FAM13A: variants seen among roughly 807,000 people sequenced by gnomAD.
The protein encoded by FAM13A is protein FAM13A.
FAM13A carries 76 observed loss-of-function variants against 129.6 expected under a neutral mutation model. That is an observed-to-expected ratio of 0.59 (90% CI 0.49 to 0.71). The LOEUF (loss-of-function observed/expected upper bound fraction) is 0.71, where lower values mean the gene tolerates loss of function less well. Ranked by LOEUF, FAM13A falls within the 30% of genes least tolerant of loss-of-function variation. FAM13A has a pLI of 0.00. For missense variants in FAM13A, 1,108 were observed against 1,249.3 expected (o/e 0.89, Z 1.70); for synonymous variants, 443 against 449.9 (o/e 0.98, Z 0.20).
intron 1 of FAM13A, among the ~76,000 whole-genome samples, chr4:89,048,629 AGT>A (rs1425017037): frequency 6.6e-6 from 1 of 152,234 alleles, no homozygotes; most frequent in East Asian, 1.9e-4. Context: ...AAAGTCAACA[AGT>A]GCTTGGTAAC....
At chr4:88,907,823 A>G (rs1748412813) in intron 5 of FAM13A, among the ~76,000 whole-genome samples, 1 of 152,248 alleles carries the variant, frequency 6.6e-6, no homozygotes, top group Non-Finnish European at 1.5e-5. Context: ...GTGGAGCCAT[A>G]GCATTTTAAA....
intron 3 of FAM13A, among the ~76,000 whole-genome samples, chr4:88,996,837 T>C (rs1763616608): frequency 6.6e-6 from 1 of 152,196 alleles, no homozygotes; most frequent in South Asian, 2.1e-4. Flanking sequence ...ACACCCTCCG[T>C]GCCTTGCATA....
chr4:88,999,341 A>G (rs990725758), intron 3 of FAM13A, among the ~76,000 whole-genome samples: 2 of 152,194 alleles, frequency 1.3e-5, no homozygotes, highest in Non-Finnish European at 2.9e-5. Flanking sequence ...CATATCTACA[A>G]TAAAGGTTAG....
intron 2 of FAM13A, among the ~76,000 whole-genome samples, chr4:89,023,842 G>A (rs1299795544): frequency 1.3e-5 from 2 of 150,260 alleles, no homozygotes; most frequent in East Asian, 1.9e-4. Context: ...AATATAGCCA[G>A]TACCCACATG....
chr4:88,749,794 A>G lies in FAM13A; in HGVS notation c.2056T>C (p.Phe686Leu). The G allele has an allele frequency of 1.2e-6, 2 of 1,614,120 alleles. No individual in the cohort carries two copies. Among genetic ancestry groups the G allele is most frequent in the Non-Finnish European group, 1.7e-6 (2 of 1,180,004 alleles). ...ACTCTGTACTTCTTCTCTTCTTCGA[A>G]TCTATCTTCAAACTTCCGGATCTTC... is the stretch of plus-strand genomic sequence containing the variant. ...KKKIRKFEDRFEEEKKYRPSH... is the reference protein window; with the variant it reads ...KKKIRKFEDRLEEEKKYRPSH... The change falls in exon 16 of 24, where the codon TTC (phenylalanine) becomes CTC (leucine). Residue 686 changes from phenylalanine (F) to leucine (L), a missense_variant. Physicochemically the swap from Phe to Leu is conservative, Grantham distance 22. Transcript: ENST00000264344.
intron 7 of FAM13A, among the ~76,000 whole-genome samples, chr4:88,835,109 AT>A (rs1023174493): frequency 1.3e-5 from 2 of 152,154 alleles, no homozygotes; most frequent in African/African-American, 4.8e-5. Flanking sequence ...AATTCCACAC[AT>A]GCTCAGCAGG....
At chr4:88,937,498 A>G (rs962266287) in intron 5 of FAM13A, 5 of 152,240 alleles carry the variant, frequency 3.3e-5, no homozygotes, top group African/African-American at 7.2e-5. Flanking sequence ...TTGGAGACCT[A>G]CAGGCATTTA....
At chr4:88,913,219 AGAGGAAGAG>A (rs1749424871) in intron 5 of FAM13A, among the ~76,000 whole-genome samples, 2 of 98,706 alleles carry the variant, frequency 2.0e-5, no homozygotes, top group South Asian at 7.9e-4. Context: ...AACAGGAGGA[AGAGGAAGAG>A]GAAGAAGAGG....
chr4:88,958,658 C>T (rs191144845), intron 4 of FAM13A, among the ~76,000 whole-genome samples: 2 of 152,222 alleles, frequency 1.3e-5, no homozygotes, highest in African/African-American at 4.8e-5. Context: ...GTTGAGCCCT[C>T]AGAGAGAACT....
At chr4:88,984,320 C>T (rs1237398064) in intron 4 of FAM13A, among the ~76,000 whole-genome samples, 5 of 151,966 alleles carry the variant, frequency 3.3e-5, no homozygotes, top group Admixed American at 1.3e-4. Flanking sequence ...AAAACCTCTG[C>T]ACTTAAAAGG....
chr4:88,785,128 T>C (rs1196573185), intron 10 of FAM13A, among the ~76,000 whole-genome samples: 2 of 152,276 alleles, frequency 1.3e-5, no homozygotes, highest in African/African-American at 4.8e-5. Context: ...TCTTGAAACA[T>C]AGTCATCATT....
intron 6 of FAM13A, among the ~76,000 whole-genome samples, chr4:88,866,236 C>T (rs7663500): frequency 0.012 from 1,873 of 152,092 alleles, 47 homozygotes; most frequent in African/African-American, 0.042. Context: ...TTAGTAGAGA[C>T]GCGGTTTTGC....
chr4:88,954,543 A>G (rs56162738), intron 4 of FAM13A, among the ~76,000 whole-genome samples: 27,711 of 152,138 alleles, frequency 0.18, 2,672 homozygotes, highest in Non-Finnish European at 0.22. Flanking sequence ...AGGCTTAAAC[A>G]CCTATACAAA....
At chr4:88,964,307 AAGG>A (rs1407052508) in intron 4 of FAM13A, among the ~76,000 whole-genome samples, 1 of 152,180 alleles carries the variant, frequency 6.6e-6, no homozygotes, top group African/African-American at 2.4e-5. Context: ...CTCTCCCCTA[AAGG>A]AGCTTATATT....
At chr4:88,737,162 T>C (rs1448764300) in intron 21 of FAM13A, among the ~76,000 whole-genome samples, 3 of 152,008 alleles carry the variant, frequency 2.0e-5, no homozygotes, top group African/African-American at 7.3e-5. Flanking sequence ...ACAAAAAGCA[T>C]TGTGGACAAC....
At chr4:88,959,198 A>G (rs975065761) in intron 4 of FAM13A, among the ~76,000 whole-genome samples, 1 of 152,060 alleles carries the variant, frequency 6.6e-6, no homozygotes, top group African/African-American at 2.4e-5. Context: ...ACTTTGGGGG[A>G]ATTATTGGGA....
At chr4:88,945,697 GTTC>G (rs1475765961) in intron 4 of FAM13A, among the ~76,000 whole-genome samples, 1 of 143,746 alleles carries the variant, frequency 7.0e-6, no homozygotes, top group African/African-American at 2.7e-5. Context: ...AAATGGGGAA[GTTC>G]TTCTTCAAAC....
intron 4 of FAM13A, among the ~76,000 whole-genome samples, chr4:88,958,346 C>CAA (rs1445578285): frequency 1.3e-5 from 2 of 152,224 alleles, no homozygotes; most frequent in African/African-American, 4.8e-5. Context: ...CCAGCTCCAG[C>CAA]TCCAGCTCCA....
At chr4:88,829,715 G>T (rs1345394545) in intron 7 of FAM13A, among the ~76,000 whole-genome samples, 1 of 152,108 alleles carries the variant, frequency 6.6e-6, no homozygotes, top group Non-Finnish European at 1.5e-5. Context: ...ACAGCAAAAT[G>T]TCAATAAAAA....
Sources: gnomAD v4.1 joint callset for allele counts (sites outside exome capture counted in the v4.1 genomes callset) on GRCh38, gnomAD v4.1.1 for gene constraint, MANE v1.5 for transcripts, NCBI Gene and HGNC (gene_info 2026-07-23, HGNC 2026-07-21) for gene names.